WDR37: variants seen among roughly 807,000 people sequenced by gnomAD.
WDR37 encodes WD repeat-containing protein 37.
Under a neutral mutation model 62.9 loss-of-function variants are expected in WDR37, and 19 were observed. The observed-to-expected ratio is 0.30, with a 90% CI of 0.21 to 0.44. WDR37 has a LOEUF of 0.44. Ranked by LOEUF, WDR37 falls within the 20% of genes least tolerant of loss-of-function variation. The pLI, the probability that WDR37 is intolerant of heterozygous loss-of-function variation, is 1.00. For synonymous variants in WDR37, 250 were observed against 260.9 expected, an observed-to-expected ratio of 0.96 and a Z score of 0.40; for missense variants, 474 against 657.6, an observed-to-expected ratio of 0.72 and a Z score of 3.05.
chr10:1,115,873 G>C (rs1171750513), intron 11 of WDR37, among the ~76,000 whole-genome samples: 4 of 152,214 alleles, frequency 2.6e-5, no homozygotes, highest in African/African-American at 9.6e-5. Context: ...AAGTGACATG[G>C]AGATGAGGAC....
chr10:1,084,580 T>C (rs1472016782), intron 6 of WDR37, 42 bp downstream of exon 6: 2 of 1,600,344 alleles, frequency 1.2e-6, no homozygotes, highest in Admixed American at 3.4e-5. Flanking sequence ...GAAGCATGGC[T>C]GTGCTTAATC....
At chr10:1,095,181 A>G (rs1333976046) in intron 8 of WDR37, among the ~76,000 whole-genome samples, 1 of 145,236 alleles carries the variant, frequency 6.9e-6, no homozygotes, top group Non-Finnish European at 1.5e-5. Flanking sequence ...GGGGAGAGTT[A>G]GACTGGGAAA....
chr10:1,068,453 T>TCAAAAAAA lies in WDR37; in HGVS notation c.-40-3650_-40-3643dup, dbSNP rs554922764. Among the ~76,000 whole-genome samples, 858 of 151,932 alleles carry TCAAAAAAA rather than the reference T, an allele frequency of 5.6e-3. 11 individuals carry two copies. Among genetic ancestry groups the TCAAAAAAA allele is most frequent in the African/African-American group, 0.02 (812 of 41,388 alleles). ...GCCTGGGCGACAGCGAGACTCTGTC[T>TCAAAAAAA]CAAAAAAACAAAAAAACAAACAGTG... is the stretch of plus-strand genomic sequence containing the variant. On this transcript the variant is annotated intron_variant, in intron 1 of 13. Coordinates refer to ENST00000263150, the MANE Select transcript of WDR37 (RefSeq NM_014023.4).
At chr10:1,091,638 G>A (rs1564503931) in intron 7 of WDR37, among the ~76,000 whole-genome samples, 2 of 152,188 alleles carry the variant, frequency 1.3e-5, no homozygotes, top group African/African-American at 4.8e-5. Context: ...TCAGCTCTTT[G>A]CTCTGCTGAC....
chr10:1,084,547 C>A lies in WDR37; in HGVS notation c.532+9C>A. 1 of 1,612,140 alleles carries A rather than the reference C, an allele frequency of 6.2e-7. No homozygotes were observed. The highest frequency in any genetic ancestry group is 8.5e-7 in the Non-Finnish European group (1 of 1,178,454). On this transcript the variant is annotated intron_variant, in intron 6 of 13. Coordinates refer to ENST00000263150, the MANE Select transcript of WDR37 (RefSeq NM_014023.4). The stretch of plus-strand genomic sequence containing the variant: ...CGGGACTGCATCAGCCGGTGAGTCG[C>A]ACACGGACCTGGCCAGCCTGCGGAA...
At chr10:1,117,708 G>A (rs1413341989) in intron 11 of WDR37, among the ~76,000 whole-genome samples, 1 of 152,218 alleles carries the variant, frequency 6.6e-6, no homozygotes, top group East Asian at 1.9e-4. Context: ...TACGCAGAGC[G>A]GGCAGCATGG....
intron 5 of WDR37, among the ~76,000 whole-genome samples, chr10:1,080,727 G>A (rs768405336): frequency 6.6e-6 from 1 of 152,086 alleles, no homozygotes; most frequent in Non-Finnish European, 1.5e-5. Context: ...ACAACATGGT[G>A]AAACCCTGTC....
chr10:1,077,844 A>T, intron 2 of WDR37, 63 bp from the exon 3 acceptor site: 1 of 1,215,944 alleles, frequency 8.2e-7, no homozygotes, highest in Non-Finnish European at 1.2e-6. Flanking sequence ...CTTTGGAAAA[A>T]GCATATTTGT....
chr10:1,073,313 T>C (rs1833778821), intron 2 of WDR37, among the ~76,000 whole-genome samples: 1 of 152,160 alleles, frequency 6.6e-6, no homozygotes, highest in Admixed American at 6.5e-5. Flanking sequence ...ACCTGAGAAA[T>C]TGGCTTCTGT....
At chr10:1,065,281 A>G (rs1041857741) in intron 1 of WDR37, among the ~76,000 whole-genome samples, 1 of 152,224 alleles carries the variant, frequency 6.6e-6, no homozygotes, top group African/African-American at 2.4e-5. Flanking sequence ...GCATAGAGGA[A>G]AGTAAGATTT....
intron 11 of WDR37, among the ~76,000 whole-genome samples, chr10:1,122,076 C>T (rs1229761723): frequency 6.6e-6 from 1 of 152,122 alleles, no homozygotes; most frequent in Non-Finnish European, 1.5e-5. Flanking sequence ...GTGCTTCTCT[C>T]ATCCAGGGCC....
Position 1,108,367 on chromosome 10 carries a change from C to G in WDR37, c.1103+3100C>G, listed in dbSNP as rs557832305. On this transcript the variant is annotated intron_variant, in intron 11 of 13. Coordinates refer to ENST00000263150, the MANE Select transcript of WDR37 (RefSeq NM_014023.4). ...TTTTGGTGAAGAATCCAAGCCTGCT[C>G]TTTTGCAGAACGCCCCTCATTCTGC... 2.0e-4 allele frequency among the ~76,000 whole-genome samples: 31 copies of G among 152,300 alleles called. No individual in the cohort carries two copies. In the South Asian group the frequency reaches 6.2e-3, roughly 31 times the overall value.
At chr10:1,104,948 G>C (rs1333400875) in intron 10 of WDR37, among the ~76,000 whole-genome samples, 178 bp from the exon 11 acceptor site, 1 of 152,152 alleles carries the variant, frequency 6.6e-6, no homozygotes, top group Non-Finnish European at 1.5e-5. Context: ...CGGCTGAAAG[G>C]ACTTCAGCTT....
chr10:1,119,058 C>T (rs1029223839), intron 11 of WDR37, among the ~76,000 whole-genome samples: 1 of 152,192 alleles, frequency 6.6e-6, no homozygotes, highest in African/African-American at 2.4e-5. Flanking sequence ...AACATGAGTG[C>T]ATCGGCGTTA....
intron 11 of WDR37, among the ~76,000 whole-genome samples, chr10:1,120,799 C>T (rs1381719899): frequency 1.3e-5 from 2 of 150,724 alleles, no homozygotes; most frequent in South Asian, 2.1e-4. Context: ...CACATCGTGT[C>T]GTCTTTTCCT....
In WDR37 at chr10:1,106,473, A is replaced by G. The variant is rs548063122; in HGVS notation, c.1103+1206A>G. ...TTACTAAGTTTTAGATTTAATGTTC[A>G]AAATGTTAGTAAGATGTTGGAAAGG... On this transcript the variant is annotated intron_variant, in intron 11 of 13. Transcript: ENST00000263150. Among the ~76,000 whole-genome samples, 14 of 152,340 alleles carry G rather than the reference A, an allele frequency of 9.2e-5. 1 individual carries two copies. In the South Asian group the frequency reaches 2.7e-3, roughly 29 times the overall value.
At chr10:1,107,370 G>A (rs1442676514) in intron 11 of WDR37, among the ~76,000 whole-genome samples, 19 of 152,262 alleles carry the variant, frequency 1.2e-4, no homozygotes, top group Admixed American at 9.2e-4. Flanking sequence ...AAGGGCAGTC[G>A]GAGGCCTAGA....
rs768074457 is a variant in WDR37 at position 1,124,245 on chromosome 10, G to A, written c.1131G>A (p.Val377=). ...CTGTGACTTCTGCCGTGTTCACCGT[G>A]GGAGACAACGTGGTTTCAGGCAGCG... The part of the protein sequence containing the change: ...TDTVTSAVFT[V]GDNVVSGSDD... The change falls in exon 12 of 14, where the codon GTG becomes GTA. Residue 377 remains valine (V), a synonymous_variant. Transcript: ENST00000263150. 1.8e-4 allele frequency: 289 copies of A among 1,614,090 alleles called. 1 individual carries two copies. In the South Asian group the frequency reaches 3.0e-3, roughly 17 times the overall value.
intron 13 of WDR37, among the ~76,000 whole-genome samples, chr10:1,126,298 C>G (rs111982964): frequency 6.6e-6 from 1 of 150,634 alleles, no homozygotes; most frequent in Non-Finnish European, 1.5e-5. Flanking sequence ...CCCAGCTACT[C>G]GGGAGGCTGA....
Sources: gnomAD v4.1 joint callset for allele counts (sites outside exome capture counted in the v4.1 genomes callset) on GRCh38, gnomAD v4.1.1 for gene constraint, MANE v1.5 for transcripts, NCBI Gene and HGNC (gene_info 2026-07-23, HGNC 2026-07-21) for gene names.